MLLT3: variants seen among roughly 807,000 people sequenced by gnomAD.
MLLT3 encodes the protein protein AF-9.
Under a neutral mutation model 53.2 loss-of-function variants are expected in MLLT3, and 4 were observed. The observed-to-expected ratio is 0.08, with a 90% CI of 0.04 to 0.17. MLLT3 has a LOEUF of 0.17. MLLT3 is among the 10% of genes least tolerant of loss of function. The probability of loss-of-function intolerance (pLI) is 1.00; values close to 1 mark genes in which losing one functional copy is unlikely to be tolerated. For missense variants in MLLT3, 569 were observed against 684.0 expected (o/e 0.83, Z 1.87); for synonymous variants, 283 against 230.6 (o/e 1.23, Z -2.06).
chr9:20,395,786 C>A (rs769927234), intron 5 of MLLT3, among the ~76,000 whole-genome samples: 1 of 152,160 alleles, frequency 6.6e-6, no homozygotes, highest in Non-Finnish European at 1.5e-5. Flanking sequence ...CTGTGTGGTA[C>A]ATTACATGCC....
chr9:20,550,863 T>A (rs531283060), intron 2 of MLLT3, among the ~76,000 whole-genome samples: 1 of 152,158 alleles, frequency 6.6e-6, no homozygotes, highest in Non-Finnish European at 1.5e-5. Context: ...GCTCAAGCAA[T>A]CCTCCCACCT....
chr9:20,477,682 G>A (rs1476865303), intron 2 of MLLT3, among the ~76,000 whole-genome samples: 1 of 152,152 alleles, frequency 6.6e-6, no homozygotes, highest in African/African-American at 2.4e-5. Flanking sequence ...ATAAAATAAA[G>A]GCTAGAGCTA....
intron 2 of MLLT3, among the ~76,000 whole-genome samples, chr9:20,507,906 G>A (rs1825425811): frequency 2.6e-5 from 4 of 151,992 alleles, no homozygotes; most frequent in Admixed American, 2.6e-4. Flanking sequence ...ATCATGATTA[G>A]ACATCAAAAT....
intron 4 of MLLT3, among the ~76,000 whole-genome samples, chr9:20,426,607 A>G (rs957331672): frequency 3.3e-5 from 5 of 152,136 alleles, no homozygotes; most frequent in Admixed American, 2.6e-4. Context: ...TATTTTATAC[A>G]TATTTATGAG....
At chr9:20,452,443 T>G (rs1387584166) in intron 3 of MLLT3, among the ~76,000 whole-genome samples, 1 of 152,196 alleles carries the variant, frequency 6.6e-6, no homozygotes, top group Non-Finnish European at 1.5e-5. Flanking sequence ...GTAAGTTTCT[T>G]GAGGCCTTCC....
rs922530703 is a variant in MLLT3 at position 20,620,451 on chromosome 9, G to A, written c.193+203C>T. Among the ~76,000 whole-genome samples, 6 of 151,254 alleles carry A rather than the reference G, an allele frequency of 4.0e-5. No individual in the cohort carries two copies. The highest frequency in any genetic ancestry group is 1.2e-4 in the African/African-American group (5 of 41,292). On this transcript the variant is annotated intron_variant, in intron 2 of 10. Transcript: ENST00000380338. The surrounding 1 kb of genome is among the most constrained non-coding windows in gnomAD (Gnocchi z 6.1). ...CGACACCTGACGGTCCTTTCTCTGC[G>A]GTGACTTTCACCAAGCCGAAGTGGC...
intron 2 of MLLT3, among the ~76,000 whole-genome samples, chr9:20,593,941 A>ATTT (rs35062068): frequency 1.4e-5 from 2 of 141,972 alleles, no homozygotes; most frequent in Non-Finnish European, 3.1e-5. Flanking sequence ...CAATGTTCTC[A>ATTT]TTTTTTTTTT....
chr9:20,485,665 GT>G (rs1285429756), intron 2 of MLLT3, among the ~76,000 whole-genome samples: 1 of 152,160 alleles, frequency 6.6e-6, no homozygotes, highest in African/African-American at 2.4e-5. Flanking sequence ...ACATTGGCAA[GT>G]TTTTTTAAAA....
intron 2 of MLLT3, among the ~76,000 whole-genome samples, chr9:20,467,007 G>C (rs1368220713): frequency 2.6e-5 from 4 of 152,160 alleles, no homozygotes; most frequent in African/African-American, 9.7e-5. Flanking sequence ...TATAATACAA[G>C]CTAGAGTATA....
rs376402735 is a variant in MLLT3, at chr9:20,622,263, G to C, written c.-7C>G. 6.3e-7 allele frequency: 1 copy of C among 1,596,040 alleles called. No individual in the cohort carries two copies. The highest frequency in any genetic ancestry group is 8.5e-7 in the Non-Finnish European group (1 of 1,170,362). ...TACTTACCGAGCTAGCCATGCCTGG[G>C]GGCCCGGAGGTTTGCTGGGGTGTTG... On this transcript the variant is annotated 5_prime_UTR_variant, in exon 1 of 11. Transcript: ENST00000380338.
chr9:20,451,871 TAG>T (rs1036057231), intron 3 of MLLT3, among the ~76,000 whole-genome samples: 2 of 152,228 alleles, frequency 1.3e-5, no homozygotes, highest in Admixed American at 6.5e-5. Context: ...CCTGTTGGTT[TAG>T]AGTTTCTGAA....
chr9:20,551,610 G>C (rs1475340342), intron 2 of MLLT3, among the ~76,000 whole-genome samples: 2 of 152,128 alleles, frequency 1.3e-5, no homozygotes, highest in Non-Finnish European at 2.9e-5. Flanking sequence ...AGCTGAAAGT[G>C]CTGAAATTCC....
chr9:20,450,757 T>A (rs1159984219), intron 3 of MLLT3, among the ~76,000 whole-genome samples: 1 of 152,230 alleles, frequency 6.6e-6, no homozygotes, highest in Non-Finnish European at 1.5e-5. Flanking sequence ...CCTCTATTAA[T>A]GTAATTATCA....
chr9:20,477,867 A>G (rs755055656), intron 2 of MLLT3, among the ~76,000 whole-genome samples: 7 of 152,214 alleles, frequency 4.6e-5, no homozygotes, highest in Non-Finnish European at 8.8e-5. Context: ...AGAGAAGGAA[A>G]TATTTTCTAC....
At position 20,354,823 on chromosome 9, in the gene MLLT3, ATTC is replaced by A; in HGVS notation, c.1485_1487del (p.Lys495del). 1 of 1,611,446 alleles carries A rather than the reference ATTC, an allele frequency of 6.2e-7. No individual in the cohort carries two copies. The highest frequency in any genetic ancestry group is 1.1e-5 in the South Asian group (1 of 90,994). On this transcript the variant is annotated inframe_deletion, in exon 9 of 11. Coordinates refer to ENST00000380338, the MANE Select transcript of MLLT3 (RefSeq NM_004529.4). The stretch of plus-strand genomic sequence containing the variant: ...AGAAACCTACCTTGTCACATTCACC[ATTC>A]TTTATTTGCTTATCTGATTTGCTTT...
At chr9:20,419,703 C>A (rs1231121226) in intron 4 of MLLT3, among the ~76,000 whole-genome samples, 3 of 152,150 alleles carry the variant, frequency 2.0e-5, no homozygotes, top group Non-Finnish European at 4.4e-5. Context: ...ATATCCCACA[C>A]ACACAGTCTG....
chr9:20,499,833 G>A (rs1399230232), intron 2 of MLLT3, among the ~76,000 whole-genome samples: 2 of 152,178 alleles, frequency 1.3e-5, no homozygotes, highest in Non-Finnish European at 2.9e-5. Flanking sequence ...AGAAGGCTGA[G>A]GCGAGAGGAT....
intron 2 of MLLT3, among the ~76,000 whole-genome samples, chr9:20,594,312 T>A (rs1820198075): frequency 6.6e-6 from 1 of 152,138 alleles, no homozygotes; most frequent in Non-Finnish European, 1.5e-5. Flanking sequence ...GAGTTATGAG[T>A]GCTCCTCGAC....
chr9:20,611,529 AG>A (rs1820702543), intron 2 of MLLT3, among the ~76,000 whole-genome samples: 1 of 152,134 alleles, frequency 6.6e-6, no homozygotes, highest in Admixed American at 6.6e-5. Flanking sequence ...ATTTTAAAAT[AG>A]AAAAAAATTA....
Sources: allele counts gnomAD v4.1 joint callset (sites outside exome capture counted in the v4.1 genomes callset), GRCh38; gene constraint gnomAD v4.1.1; non-coding constraint Gnocchi (gnomAD v3.1); transcripts MANE v1.5; gene names NCBI Gene and HGNC (gene_info 2026-07-23, HGNC 2026-07-21).